The following ARHGEF7 variants were observed in gnomAD, a reference collection of about 807,000 sequenced individuals.
The protein encoded by ARHGEF7 is Rho guanine nucleotide exchange factor 7, also known as PAK-interacting exchange factor beta.
Under a neutral mutation model 109.8 loss-of-function variants are expected in ARHGEF7, and 33 were observed. The observed-to-expected ratio is 0.30, with a 90% CI of 0.23 to 0.40. ARHGEF7 has a LOEUF of 0.40. ARHGEF7 is among the 10% of genes least tolerant of loss of function. The pLI, the probability that ARHGEF7 is intolerant of heterozygous loss-of-function variation, is 1.00. For missense variants in ARHGEF7, 938 were observed against 1,098.5 expected (o/e 0.85, Z 2.07); for synonymous variants, 458 against 424.6 (o/e 1.08, Z -0.97).
intron 2 of ARHGEF7, among the ~76,000 whole-genome samples, chr13:111,191,186 C>T (rs922716104): frequency 3.9e-5 from 6 of 151,990 alleles, no homozygotes; most frequent in East Asian, 1.9e-4. Flanking sequence ...GTGGACAAGC[C>T]GTCCGCATGG....
chr13:111,202,609 C>T lies in ARHGEF7; in HGVS notation c.253-2680C>T, dbSNP rs148701270. Among the ~76,000 whole-genome samples the T allele has an allele frequency of 2.7e-4, 41 of 152,330 alleles. 2 individuals are homozygous for T. In the East Asian group the frequency reaches 6.7e-3, roughly 25 times the overall value. On this transcript the variant is annotated intron_variant, in intron 2 of 21. Transcript: ENST00000646102. The stretch of plus-strand genomic sequence containing the variant: ...GAATGAATGAATCCCGTCTAAGACA[C>T]TTGTTTTAATAACCCTAGGGAACAA...
rs574915246 is a variant in ARHGEF7 at position 111,265,499 on chromosome 13, G to A, written c.951-2049G>A. On this transcript the variant is annotated intron_variant, in intron 8 of 21. Coordinates refer to ENST00000646102, the MANE Select transcript of ARHGEF7 (RefSeq NM_001354046.2). ...CTTTCTCCAGCCAGTACTTAGCCGCGGAGCGGAAAGCAGTGCTCATGAAGG... is the reference window on the plus strand; with the variant it reads ...CTTTCTCCAGCCAGTACTTAGCCGCAGAGCGGAAAGCAGTGCTCATGAAGG... 3.8e-4 allele frequency: 172 copies of A among 452,470 alleles called. 3 individuals are homozygous for A. The highest frequency in any genetic ancestry group is 2.6e-3 in the South Asian group (168 of 64,014). The allele number at this position is 452,470 out of a possible 1,614,324, so 28.0% of individuals were successfully genotyped here.
intron 2 of ARHGEF7, among the ~76,000 whole-genome samples, chr13:111,168,942 G>C (rs9301494): frequency 0.85 from 129,172 of 152,212 alleles, 55,171 homozygotes; most frequent in South Asian, 0.94. Context: ...GTGCCAGAGA[G>C]GATGCAGACA....
rs147519921 is a variant in ARHGEF7 at position 111,174,240 on chromosome 13, T to C, written c.252+20249T>C. Among the ~76,000 whole-genome samples, 5 of 152,382 alleles carry C rather than the reference T, an allele frequency of 3.3e-5. No homozygotes were observed. In the East Asian group the frequency reaches 9.6e-4, roughly 29 times the overall value. ...GAGGATAATTAAAATTGGTTACTCT[T>C]ATTTCTCAGAGCTTATACTCTAAGA... On this transcript the variant is annotated intron_variant, in intron 2 of 21. Transcript: ENST00000646102.
chr13:111,200,929 TAA>T (rs932356566), intron 2 of ARHGEF7, among the ~76,000 whole-genome samples: 12 of 152,170 alleles, frequency 7.9e-5, no homozygotes, highest in African/African-American at 2.9e-4. Flanking sequence ...GAAGACATGG[TAA>T]AGACAATGGG....
chr13:111,188,838 A>G (rs2153441823), intron 2 of ARHGEF7, among the ~76,000 whole-genome samples: 1 of 152,204 alleles, frequency 6.6e-6, no homozygotes, highest in South Asian at 2.1e-4. Flanking sequence ...ATGAGTTTTG[A>G]TTTTGTTTTT....
chr13:111,299,407 A>G (rs1263283753), intron 19 of ARHGEF7, among the ~76,000 whole-genome samples: 3 of 147,684 alleles, frequency 2.0e-5, no homozygotes, highest in East Asian at 2.0e-4. Context: ...CAGTGGTGCA[A>G]TCTCGGCTCA....
At chr13:111,162,013 A>AT (rs2076783427) in intron 2 of ARHGEF7, among the ~76,000 whole-genome samples, 1 of 152,102 alleles carries the variant, frequency 6.6e-6, no homozygotes, top group Admixed American at 6.6e-5. Context: ...TTAATCCTTG[A>AT]TTTTCTTTGT....
chr13:111,195,926 A>G (rs528781489), intron 2 of ARHGEF7, among the ~76,000 whole-genome samples: 3 of 152,162 alleles, frequency 2.0e-5, no homozygotes, highest in South Asian at 2.1e-4. Flanking sequence ...CTTGGTCCCT[A>G]TTATAGAACA....
chr13:111,267,501 T>C, intron 8 of ARHGEF7, 47 bp from the exon 9 acceptor site: 1 of 1,609,618 alleles, frequency 6.2e-7, no homozygotes, highest in Non-Finnish European at 8.5e-7. Flanking sequence ...GCAGTTGTCC[T>C]GTCTGTAAAA....
At chr13:111,157,357 C>T (rs1353722316) in intron 2 of ARHGEF7, among the ~76,000 whole-genome samples, 2 of 151,128 alleles carry the variant, frequency 1.3e-5, no homozygotes, top group East Asian at 1.9e-4. Flanking sequence ...ATCTCAAAAG[C>T]AACCAAAATA....
rs181462179 is a variant in ARHGEF7, at chr13:111,116,093, T to C, written c.165+402T>C. ...TGCGGCTCACTCCGCTGGCTTTGTGTGGACAGTTCTTGCCGGTGGCGTTGC... is the reference window on the plus strand; with the variant it reads ...TGCGGCTCACTCCGCTGGCTTTGTGCGGACAGTTCTTGCCGGTGGCGTTGC... On this transcript the variant is annotated intron_variant, in intron 1 of 21. Coordinates refer to ENST00000646102, the MANE Select transcript of ARHGEF7 (RefSeq NM_001354046.2). 3.2e-4 allele frequency among the ~76,000 whole-genome samples: 49 copies of C among 152,330 alleles called. 1 individual carries two copies. Among genetic ancestry groups the C allele is most frequent in the African/African-American group, 1.2e-3 (48 of 41,588 alleles).
At chr13:111,187,051 G>T in intron 2 of ARHGEF7, 1 of 982,138 alleles carries the variant, frequency 1.0e-6, no homozygotes. Flanking sequence ...TTGGGAGGGT[G>T]GTGTGAAAGC....
chr13:111,256,934 C>T (rs2090492589), intron 8 of ARHGEF7, among the ~76,000 whole-genome samples: 1 of 152,240 alleles, frequency 6.6e-6, no homozygotes, highest in South Asian at 2.1e-4. Context: ...TTCATTTATT[C>T]ACCAGCTGGT....
At chr13:111,158,672 G>C (rs1433497041) in intron 2 of ARHGEF7, among the ~76,000 whole-genome samples, 1 of 152,196 alleles carries the variant, frequency 6.6e-6, no homozygotes, top group African/African-American at 2.4e-5. Flanking sequence ...ATGAAATGTA[G>C]ACCAGCTAGT....
At chr13:111,180,624 A>G (rs2078642591) in intron 2 of ARHGEF7, among the ~76,000 whole-genome samples, 1 of 152,220 alleles carries the variant, frequency 6.6e-6, no homozygotes, top group Admixed American at 6.5e-5. Context: ...TAGAGAGGTT[A>G]AGGAAGATGC....
intron 8 of ARHGEF7, among the ~76,000 whole-genome samples, chr13:111,256,020 C>T (rs1236146865): frequency 6.6e-6 from 1 of 152,032 alleles, no homozygotes; most frequent in African/African-American, 2.4e-5. Context: ...TTATTTTTTT[C>T]CTAAAATAGC....
At position 111,131,464 on chromosome 13, in the gene ARHGEF7, C is replaced by G. The variant is rs1432316305; in HGVS notation, c.165+15773C>G. Reference sequence around the variant, plus strand: ...TAGAGCTGTTGGAGCTTAGAGGCCCCCTGGACTGAAGCATACACGTGGGAC... The same window carrying G: ...TAGAGCTGTTGGAGCTTAGAGGCCCGCTGGACTGAAGCATACACGTGGGAC... On this transcript the variant is annotated intron_variant, in intron 1 of 21. Transcript: ENST00000646102. This position sits in a 1 kb window ranked among gnomAD's most constrained non-coding sequence, Gnocchi z 4.4. Among the ~76,000 whole-genome samples the G allele has an allele frequency of 6.6e-6, 1 of 152,054 alleles. No individual in the cohort carries two copies. Among genetic ancestry groups the G allele is most frequent in the East Asian group, 1.9e-4 (1 of 5,178 alleles).
chr13:111,170,481 TTTC>T (rs1202635862), intron 2 of ARHGEF7, among the ~76,000 whole-genome samples: 1 of 152,364 alleles, frequency 6.6e-6, no homozygotes, highest in African/African-American at 2.4e-5. Flanking sequence ...CTTACTGGAA[TTTC>T]TTCTTATTTT....
Sources: allele counts gnomAD v4.1 joint callset (sites outside exome capture counted in the v4.1 genomes callset), GRCh38; gene constraint gnomAD v4.1.1; non-coding constraint Gnocchi (gnomAD v3.1); transcripts MANE v1.5; gene names NCBI Gene and HGNC (gene_info 2026-07-23, HGNC 2026-07-21).